Variants in HOXD3 observed in about 807,000 individuals in gnomAD.
The protein encoded by HOXD3 is homeobox D3, also known as homeobox protein Hox-D3.
Under a neutral mutation model 32.8 loss-of-function variants are expected in HOXD3, and 13 were observed. The ratio of observed to expected loss-of-function variants is 0.40; its 90% CI spans 0.26 to 0.63. HOXD3 has a LOEUF of 0.63. Ranked by LOEUF, HOXD3 falls within the 20% of genes least tolerant of loss-of-function variation. HOXD3 has a pLI of 0.44. For missense variants in HOXD3, 504 were observed against 577.1 expected, an observed-to-expected ratio of 0.87 and a Z score of 1.30; for synonymous variants, 241 against 246.8, an observed-to-expected ratio of 0.98 and a Z score of 0.22.
rs775394320 is a variant in HOXD3 at position 176,171,990 on chromosome 2, A to G, written c.1015A>G (p.Met339Val). The G allele has an allele frequency of 2.5e-6, 4 of 1,610,562 alleles. No homozygotes were observed. Among genetic ancestry groups the G allele is most frequent in the East Asian group, 2.2e-5 (1 of 44,858 alleles). ...AGCGCCGGAGTTCGAGCCCCATCCC[A>G]TGGCGAGCAACGGCGGCGGCTTCGC... is the stretch of plus-strand genomic sequence containing the variant. ...YAAPEFEPHPMASNGGGFASA... is the reference protein window; with the variant it reads ...YAAPEFEPHPVASNGGGFASA... The change falls in exon 4 of 4, where the codon ATG (methionine) becomes GTG (valine). Residue 339 changes from methionine to valine, a missense_variant. By Grantham distance (21) the Met-to-Val change is conservative (BLOSUM62 1). This residue lies in a region of HOXD3 where 226 missense variants were observed against 246.9 expected (regional missense o/e 0.92). Transcript: ENST00000683222.
At chr2:176,163,024 G>C (rs1174068766) in intron 1 of HOXD3, among the ~76,000 whole-genome samples, 1 of 152,128 alleles carries the variant, frequency 6.6e-6, no homozygotes, top group African/African-American at 2.4e-5. Context: ...GCGCTTGGGG[G>C]AGGGGGGCGG....
chr2:176,172,053 G>C lies in HOXD3; in HGVS notation c.1078G>C (p.Gly360Arg), dbSNP rs865797466. 1 of 1,609,086 alleles carries C rather than the reference G, an allele frequency of 6.2e-7. No homozygotes were observed. Among genetic ancestry groups the C allele is most frequent in the Non-Finnish European group, 8.5e-7 (1 of 1,179,050 alleles). ...GCAGGGCAGCCCGGTGTACGTGGGC[G>C]GCAACTTCGTCGAGTCCATGGCGCC... ...NLQGSPVYVG[G>R]NFVESMAPAS... is the part of the protein sequence containing the mutation. Residue 360 changes from glycine to arginine, a missense_variant, in exon 4 of 4, where the codon GGC becomes CGC. This residue lies in a region of HOXD3 where 226 missense variants were observed against 246.9 expected (regional missense o/e 0.92). Transcript: ENST00000683222.
In HOXD3 at chr2:176,171,767, C is replaced by G; in HGVS notation, c.792C>G (p.Ser264Arg). 1.2e-6 allele frequency: 2 copies of G among 1,614,044 alleles called. No homozygotes were observed. Among genetic ancestry groups the G allele is most frequent in the Non-Finnish European group, 1.7e-6 (2 of 1,180,028 alleles). ...KAKGILHSPA[S>R]QSPERSPPLG... ...AGGGCATCCTGCACTCGCCGGCTAG[C>G]CAGTCCCCTGAGCGCAGCCCACCGC... The change falls in exon 4 of 4, where the codon AGC becomes AGG. Residue 264 changes from serine to arginine, a missense_variant. By Grantham distance (110) the Ser-to-Arg change is moderately radical. This residue lies in a region of HOXD3 where 226 missense variants were observed against 246.9 expected (regional missense o/e 0.92). Coordinates refer to ENST00000683222, the MANE Select transcript of HOXD3 (RefSeq NM_006898.5).
chr2:176,152,756 G>A (rs1361272032), upstream of HOXD3: 2 of 1,614,156 alleles, frequency 1.2e-6, no homozygotes, highest in South Asian at 1.1e-5. This position sits in a 1 kb window ranked among gnomAD's most constrained non-coding sequence, Gnocchi z 5.2. Flanking sequence ...TGTGTCTGTC[G>A]GAGCGCCAGA....
upstream of HOXD3, chr2:176,152,689 A>C: frequency 6.2e-7 from 1 of 1,614,132 alleles, no homozygotes; most frequent in South Asian, 1.1e-5. This position sits in a 1 kb window ranked among gnomAD's most constrained non-coding sequence, Gnocchi z 5.2. Flanking sequence ...CTGGAAAAAG[A>C]ATTTCATTTT....
chr2:176,153,503 TAAG>T (rs1240920002), upstream of HOXD3, among the ~76,000 whole-genome samples: 2 of 152,210 alleles, frequency 1.3e-5, no homozygotes, highest in African/African-American at 4.8e-5. Flanking sequence ...GAAATGGGTC[TAAG>T]AAGGAAGTAA....
chr2:176,162,381 C>T (rs1315589324), intron 1 of HOXD3, among the ~76,000 whole-genome samples: 1 of 152,178 alleles, frequency 6.6e-6, no homozygotes, highest in African/African-American at 2.4e-5. Context: ...TCCTAGGGTG[C>T]TGCTGAGGGA....
intron 1 of HOXD3, among the ~76,000 whole-genome samples, chr2:176,163,194 T>A (rs1478489631): frequency 6.6e-6 from 1 of 152,220 alleles, no homozygotes; most frequent in Non-Finnish European, 1.5e-5. Context: ...CTTCAAAGGC[T>A]TATGGCTGCG....
chr2:176,163,203 C>T lies in HOXD3; in HGVS notation c.-180-870C>T, dbSNP rs150175698. Reference sequence around the variant, plus strand: ...AGGTCACTTCAAAGGCTTATGGCTGCGCGCTTTAGTCTTTAGAAGCGCCGG... The same window carrying T: ...AGGTCACTTCAAAGGCTTATGGCTGTGCGCTTTAGTCTTTAGAAGCGCCGG... On this transcript the variant is annotated intron_variant, in intron 1 of 3. Coordinates refer to ENST00000683222, the MANE Select transcript of HOXD3 (RefSeq NM_006898.5). 1.7e-3 allele frequency among the ~76,000 whole-genome samples: 264 copies of T among 152,322 alleles called. 1 individual carries two copies. The highest frequency in any genetic ancestry group is 6.0e-3 in the African/African-American group (249 of 41,574).
Position 176,172,136 on chromosome 2 carries a change from G to A in HOXD3, c.1161G>A (p.Val387=), listed in dbSNP as rs374894451. The part of the protein sequence containing the change: ...GHLSHPSSAS[V]DYSCAAQIPG... ...TCTCGCACCCGTCGTCGGCCAGCGT[G>A]GACTACAGTTGCGCCGCGCAGATTC... Residue 387 remains valine (V), a synonymous_variant, in exon 4 of 4, where the codon GTG becomes GTA. Coordinates refer to ENST00000683222, the MANE Select transcript of HOXD3 (RefSeq NM_006898.5). 121 of 1,613,030 alleles carry A rather than the reference G, an allele frequency of 7.5e-5. No individual in the cohort carries two copies. Among genetic ancestry groups the A allele is most frequent in the Non-Finnish European group, 9.5e-5 (112 of 1,179,998 alleles).
At chr2:176,162,321 T>C (rs182374473) in intron 1 of HOXD3, among the ~76,000 whole-genome samples, 1 of 152,216 alleles carries the variant, frequency 6.6e-6, no homozygotes, top group Admixed American at 6.5e-5. Flanking sequence ...CCCCCGAAAA[T>C]TTCAATAATC....
chr2:176,170,941 A>AT lies in HOXD3; in HGVS notation c.542-570dup, dbSNP rs1223903941. 3.4e-5 allele frequency among the ~76,000 whole-genome samples: 5 copies of AT among 145,660 alleles called. No homozygotes were observed. The East Asian group carries it at 1.0e-3, about 29-fold the overall frequency. On this transcript the variant is annotated intron_variant, in intron 3 of 3. Transcript: ENST00000683222. ...TTTGGTTGGTTTTTTTTTATTTTTTATTTTTTGGTTTGTCACCTCCCTGGC... is the reference window on the plus strand; with the variant it reads ...TTTGGTTGGTTTTTTTTTATTTTTTATTTTTTTGGTTTGTCACCTCCCTGGC...
intron 1 of HOXD3, among the ~76,000 whole-genome samples, chr2:176,159,047 C>T (rs568074459): frequency 6.6e-6 from 1 of 152,322 alleles, no homozygotes; most frequent in South Asian, 2.1e-4. Context: ...CTGTTGGGGG[C>T]CGGGCGAGGA....
chr2:176,168,925 C>T, intron 2 of HOXD3, 106 bp from the exon 3 acceptor site: 1 of 755,446 alleles, frequency 1.3e-6, no homozygotes, highest in East Asian at 2.8e-5. Context: ...TGCCCATCTC[C>T]CCGCCGTGAA....
chr2:176,153,142 G>A (rs1236088262), upstream of HOXD3: 2 of 490,378 alleles, frequency 4.1e-6, 1 homozygote, highest in Non-Finnish European at 7.7e-6. Context: ...GGGAGGGGGG[G>A]CGGGATTCTC....
At chr2:176,162,107 C>G (rs542249802) in intron 1 of HOXD3, among the ~76,000 whole-genome samples, 3 of 152,238 alleles carry the variant, frequency 2.0e-5, no homozygotes, top group Admixed American at 2.0e-4. Flanking sequence ...GGAGAGGAAC[C>G]GACTTCCAGG....
chr2:176,170,682 GC>G, intron 3 of HOXD3, among the ~76,000 whole-genome samples: 1 of 152,050 alleles, frequency 6.6e-6, no homozygotes, highest in South Asian at 2.1e-4. Flanking sequence ...GTATTATCCT[GC>G]CTGCAACCTC....
At chr2:176,169,741 T>TTCCAGCCA in intron 3 of HOXD3, 86 bp downstream of exon 3, 1 of 1,469,480 alleles carries the variant, frequency 6.8e-7, no homozygotes, top group Non-Finnish European at 9.1e-7. Context: ...AATGCAACCT[T>TTCCAGCCA]GGAGGTCATA....
In HOXD3 at chr2:176,160,381, C is replaced by T. The variant is rs547640241; in HGVS notation, c.-181+2929C>T. On this transcript the variant is annotated intron_variant, in intron 1 of 3. Coordinates refer to ENST00000683222, the MANE Select transcript of HOXD3 (RefSeq NM_006898.5). ...TCGTTGTGGGGAGAGACTCTCAACG[C>T]CCCCAACCCACTGAGGGCGGCCAGG... 4.6e-5 allele frequency among the ~76,000 whole-genome samples: 7 copies of T among 152,314 alleles called. 1 individual carries two copies. The East Asian group carries it at 1.2e-3, about 25-fold the overall frequency.
Sources: allele counts gnomAD v4.1 joint callset (sites outside exome capture counted in the v4.1 genomes callset), GRCh38; gene constraint gnomAD v4.1.1; regional missense constraint gnomAD v4.1.1; non-coding constraint Gnocchi (gnomAD v3.1); transcripts MANE v1.5; gene names NCBI Gene and HGNC (gene_info 2026-07-23, HGNC 2026-07-21).